Variants in SPEF2 observed in about 807,000 individuals in gnomAD.
The protein encoded by SPEF2 is sperm flagella and cilia-associated protein 2.
In SPEF2, 187 loss-of-function variants were observed where a neutral mutation model predicts 224.6. The ratio of observed to expected loss-of-function variants is 0.83; its 90% confidence interval spans 0.74 to 0.94. The LOEUF is 0.94. Ranked by LOEUF, SPEF2 falls within the 40% of genes least tolerant of loss-of-function variation. The pLI is 0.00. For synonymous variants in SPEF2, 715 were observed against 707.3 expected (o/e 1.01, Z -0.17); for missense variants, 2,170 against 2,135.6 (o/e 1.02, Z -0.32).
intron 2 of SPEF2, among the ~76,000 whole-genome samples, chr5:35,635,989 CT>C (rs1745781374): frequency 6.6e-6 from 1 of 152,018 alleles, no homozygotes; most frequent in Non-Finnish European, 1.5e-5. Flanking sequence ...ATAGGTCATA[CT>C]TTCTTGTTTC....
intron 20 of SPEF2, among the ~76,000 whole-genome samples, chr5:35,724,597 C>T (rs1172646083): frequency 1.3e-5 from 2 of 152,138 alleles, no homozygotes; most frequent in African/African-American, 4.8e-5. Flanking sequence ...AGTCTACAGC[C>T]AGCCCGCCTA....
intron 2 of SPEF2, among the ~76,000 whole-genome samples, chr5:35,636,280 CTA>C (rs1745823538): frequency 6.6e-6 from 1 of 152,162 alleles, no homozygotes; most frequent in African/African-American, 2.4e-5. Context: ...CTAAGAAACT[CTA>C]TGAGTGGATT....
intron 13 of SPEF2, 112 bp from the exon 14 acceptor site, chr5:35,695,623 G>T (rs1389658875): frequency 2.9e-6 from 2 of 701,546 alleles, no homozygotes; most frequent in Non-Finnish European, 4.8e-6. Flanking sequence ...AGCATCTCAG[G>T]CATAGCTGGA....
intron 18 of SPEF2, 118 bp from the exon 19 acceptor site, chr5:35,708,830 T>A: frequency 2.2e-6 from 2 of 920,386 alleles, no homozygotes; most frequent in Non-Finnish European, 1.6e-6. Context: ...CCCTAAAGCA[T>A]GAATTAGCTT....
At chr5:35,629,145 T>C (rs1744704832) in intron 2 of SPEF2, among the ~76,000 whole-genome samples, 1 of 149,074 alleles carries the variant, frequency 6.7e-6, no homozygotes, top group African/African-American at 2.5e-5. Flanking sequence ...TGTTAATCGA[T>C]TGTTCCTTTT....
chr5:35,772,528 T>C (rs571237269), intron 27 of SPEF2, among the ~76,000 whole-genome samples: 36 of 152,138 alleles, frequency 2.4e-4, no homozygotes, highest in African/African-American at 8.7e-4. Flanking sequence ...AAGAACAAGG[T>C]CTCCCTTCTC....
At chr5:35,666,963 G>C (rs1750553003) in intron 8 of SPEF2, 109 bp from the exon 9 acceptor site, 1 of 975,334 alleles carries the variant, frequency 1.0e-6, no homozygotes, top group African/African-American at 1.7e-5. Flanking sequence ...TTTTCCTGGT[G>C]TGAGAAGAGG....
rs764350426 is a variant in SPEF2, at chr5:35,641,496, A to T, written c.227A>T (p.Gln76Leu). The T allele has an allele frequency of 6.2e-7, 1 of 1,613,864 alleles. No individual in the cohort carries two copies. Among genetic ancestry groups the T allele is most frequent in the African/African-American group, 1.3e-5 (1 of 75,014 alleles). Residue 76 changes from glutamine (Q) to leucine (L), a missense_variant, in exon 3 of 37, where the codon CAG (glutamine) becomes CTG (leucine). Physicochemically the swap from Gln to Leu is moderately radical, Grantham distance 113 (BLOSUM62 -2). Transcript: ENST00000356031. ...LEPTLNLLGV[Q>L]FDQNVAHGII... ...CCAACACTTAACCTTCTGGGTGTGC[A>T]GTTTGATCAGAATGTGGCCCATGGC...
intron 20 of SPEF2, among the ~76,000 whole-genome samples, chr5:35,724,070 T>C (rs1744222826): frequency 6.6e-6 from 1 of 152,206 alleles, no homozygotes; most frequent in Non-Finnish European, 1.5e-5. Context: ...TATAATCTCA[T>C]TAAGTTCTCA....
chr5:35,726,662 A>G (rs1744696168), intron 20 of SPEF2, among the ~76,000 whole-genome samples: 1 of 152,236 alleles, frequency 6.6e-6, no homozygotes, highest in African/African-American at 2.4e-5. Flanking sequence ...ATCATTAAAT[A>G]ATACTCATTA....
Position 35,641,421 on chromosome 5 carries a change from T to G in SPEF2, c.162-10T>G. 1 of 1,600,190 alleles carries G rather than the reference T, an allele frequency of 6.2e-7. No individual in the cohort carries two copies. On this transcript the variant is annotated splice_polypyrimidine_tract_variant and intron_variant, in intron 2 of 36. Transcript: ENST00000356031. Reference sequence around the variant, plus strand: ...TAATGTCTAATTATGTAAAATATTTTACTGTCCAGGGTTTCAAGTGCCAAA... The same window carrying G: ...TAATGTCTAATTATGTAAAATATTTGACTGTCCAGGGTTTCAAGTGCCAAA...
At chr5:35,762,782 G>A (rs575199829) in intron 25 of SPEF2, among the ~76,000 whole-genome samples, 1 of 152,038 alleles carries the variant, frequency 6.6e-6, no homozygotes, top group Non-Finnish European at 1.5e-5. Flanking sequence ...TAACCTTTGA[G>A]ATCCTGGGAT....
intron 10 of SPEF2, chr5:35,671,110 C>T (rs940363668): frequency 1.9e-5 from 19 of 984,694 alleles, no homozygotes; most frequent in Admixed American, 6.2e-5. Flanking sequence ...AAATGAGTCC[C>T]GGAAGGTCAG....
intron 36 of SPEF2, among the ~76,000 whole-genome samples, chr5:35,808,655 G>A (rs1476418086): frequency 3.3e-5 from 5 of 151,148 alleles, no homozygotes; most frequent in Non-Finnish European, 5.9e-5. Context: ...ATATATCATA[G>A]ATGGACATTT....
intron 30 of SPEF2, among the ~76,000 whole-genome samples, chr5:35,780,691 C>A (rs889209969): frequency 2.6e-5 from 4 of 152,060 alleles, no homozygotes; most frequent in Non-Finnish European, 5.9e-5. Context: ...TTTATCCAGG[C>A]CATTATTTTA....
intron 23 of SPEF2, among the ~76,000 whole-genome samples, chr5:35,746,672 A>G (rs889680936): frequency 6.6e-6 from 1 of 152,160 alleles, no homozygotes; most frequent in African/African-American, 2.4e-5. Context: ...GTCTGGGATT[A>G]TGTTAAATGA....
intron 1 of SPEF2, among the ~76,000 whole-genome samples, chr5:35,621,900 GC>G (rs1199385817): frequency 1.3e-5 from 2 of 152,090 alleles, no homozygotes; most frequent in Admixed American, 1.3e-4. Flanking sequence ...CAGAATTCCT[GC>G]CCCTCTGGCC....
intron 30 of SPEF2, among the ~76,000 whole-genome samples, chr5:35,792,097 A>T (rs1756043154): frequency 6.6e-6 from 1 of 152,128 alleles, no homozygotes. Context: ...ATTTTACTCA[A>T]TCTGGATTTA....
rs761300594 is a variant in SPEF2, at chr5:35,659,190, G to A, written c.1150G>A (p.Ala384Thr). 3 of 1,608,934 alleles carry A rather than the reference G, an allele frequency of 1.9e-6. No homozygotes were observed. Among genetic ancestry groups the A allele is most frequent in the Admixed American group, 1.7e-5 (1 of 59,420 alleles). Residue 384 changes from alanine to threonine, a missense_variant, in exon 8 of 37, where the codon GCT becomes ACT. Coordinates refer to ENST00000356031, the MANE Select transcript of SPEF2 (RefSeq NM_024867.4). ...EERRLKDFQD[A>T]LDREAALAKQ... Reference sequence around the variant, plus strand: ...AAGACGACTTAAAGATTTCCAGGATGCTCTTGATCGAGAAGCGGTAAATAC... The same window carrying A: ...AAGACGACTTAAAGATTTCCAGGATACTCTTGATCGAGAAGCGGTAAATAC...
Sources: gnomAD v4.1 joint callset for allele counts (sites outside exome capture counted in the v4.1 genomes callset) on GRCh38, gnomAD v4.1.1 for gene constraint, MANE v1.5 for transcripts, NCBI Gene and HGNC (gene_info 2026-07-23, HGNC 2026-07-21) for gene names.